The following PDZRN4 variants were observed in gnomAD, a reference collection of about 807,000 sequenced individuals.
PDZRN4 encodes the protein PDZ domain-containing RING finger protein 4.
Under a neutral mutation model 99.0 loss-of-function variants are expected in PDZRN4, and 70 were observed. That is an observed-to-expected ratio of 0.71 (90% CI 0.58 to 0.86). The LOEUF (loss-of-function observed/expected upper bound fraction) is 0.86. Ranked by LOEUF, PDZRN4 falls within the 40% of genes least tolerant of loss-of-function variation. The pLI, the probability that PDZRN4 is intolerant of heterozygous loss-of-function variation, is 0.00. For synonymous variants in PDZRN4, 551 were observed against 501.6 expected, an observed-to-expected ratio of 1.10 and a Z score of -1.32; for missense variants, 1,474 against 1,331.2, an observed-to-expected ratio of 1.11 and a Z score of -1.67.
intron 3 of PDZRN4, among the ~76,000 whole-genome samples, chr12:41,491,485 G>A (rs749826637): frequency 1.3e-5 from 2 of 152,070 alleles, no homozygotes; most frequent in African/African-American, 4.8e-5. Flanking sequence ...TCATGCCACT[G>A]CACTCCAGCC....
intron 3 of PDZRN4, among the ~76,000 whole-genome samples, chr12:41,464,611 A>T (rs2120545462): frequency 6.6e-6 from 1 of 152,308 alleles, no homozygotes; most frequent in South Asian, 2.1e-4. Flanking sequence ...GGGTTTACAT[A>T]TGAGAATTTG....
chr12:41,364,000 T>C (rs1476683872), intron 3 of PDZRN4, among the ~76,000 whole-genome samples: 2 of 152,068 alleles, frequency 1.3e-5, no homozygotes, highest in African/African-American at 2.4e-5. Context: ...ATTACGGAAG[T>C]AGATATTGTA....
intron 3 of PDZRN4, among the ~76,000 whole-genome samples, chr12:41,201,853 T>C (rs1018552348): frequency 2.0e-5 from 3 of 152,164 alleles, no homozygotes; most frequent in African/African-American, 7.2e-5. Flanking sequence ...AGCCTATAAA[T>C]CAAGAAAGAA....
intron 3 of PDZRN4, among the ~76,000 whole-genome samples, chr12:41,236,094 G>C (rs1163652820): frequency 6.6e-6 from 1 of 152,104 alleles, no homozygotes; most frequent in Non-Finnish European, 1.5e-5. Flanking sequence ...AGACATTGAA[G>C]AGTGATTGAA....
intron 3 of PDZRN4, among the ~76,000 whole-genome samples, chr12:41,484,789 C>T (rs1937743236): frequency 6.6e-6 from 1 of 152,106 alleles, no homozygotes; most frequent in Admixed American, 6.6e-5. Flanking sequence ...GATGAAGCTT[C>T]TTGTCCTAAT....
At chr12:41,390,865 G>A (rs780988075) in intron 3 of PDZRN4, among the ~76,000 whole-genome samples, 8 of 152,122 alleles carry the variant, frequency 5.3e-5, no homozygotes, top group Non-Finnish European at 1.0e-4. Context: ...AAGATACTAT[G>A]AATAGTTTTA....
intron 3 of PDZRN4, among the ~76,000 whole-genome samples, chr12:41,394,784 A>C (rs1224915678): frequency 6.6e-6 from 1 of 151,940 alleles, no homozygotes; most frequent in East Asian, 1.9e-4. Flanking sequence ...TAAATGAGAG[A>C]GAGAGAGAGA....
chr12:41,310,395 A>G (rs922197115), intron 3 of PDZRN4, among the ~76,000 whole-genome samples: 2 of 152,182 alleles, frequency 1.3e-5, no homozygotes, highest in African/African-American at 4.8e-5. Context: ...TCTAAAGATC[A>G]TATCTCACTC....
At chr12:41,356,628 A>G (rs974949223) in intron 3 of PDZRN4, among the ~76,000 whole-genome samples, 33 of 151,978 alleles carry the variant, frequency 2.2e-4, no homozygotes, top group African/African-American at 7.5e-4. Flanking sequence ...AAAAGAGATG[A>G]AAGAGCAATG....
rs1952868346 is a variant in PDZRN4, at chr12:41,461,035, G to C, written c.844-45421G>C. Among the ~76,000 whole-genome samples, 5 of 152,110 alleles carry C rather than the reference G, an allele frequency of 3.3e-5. No individual in the cohort carries two copies. The South Asian group carries it at 1.0e-3, about 31-fold the overall frequency. On this transcript the variant is annotated intron_variant, in intron 3 of 9. Transcript: ENST00000402685. ...CCTCTGCACTGAGTGATGTTCCCTA[G>C]AGTTTCCCTGTGTAAAAAGTGCAGC... is the stretch of plus-strand genomic sequence containing the variant.
At chr12:41,500,519 G>T (rs1938091041) in intron 3 of PDZRN4, among the ~76,000 whole-genome samples, 2 of 152,028 alleles carry the variant, frequency 1.3e-5, no homozygotes. Context: ...ATGTACTTAG[G>T]TTCTGAAATT....
At chr12:41,404,248 C>G (rs1426701441) in intron 3 of PDZRN4, among the ~76,000 whole-genome samples, 1 of 152,112 alleles carries the variant, frequency 6.6e-6, no homozygotes, top group East Asian at 1.9e-4. Context: ...GGAAGACCAA[C>G]TGTAAACATG....
chr12:41,421,229 A>C (rs1041195100), intron 3 of PDZRN4, among the ~76,000 whole-genome samples: 14 of 151,962 alleles, frequency 9.2e-5, no homozygotes, highest in Non-Finnish European at 1.9e-4. Context: ...TTGAGACAGA[A>C]TCTTGCTTTG....
At chr12:41,270,333 T>C (rs996824152) in intron 3 of PDZRN4, among the ~76,000 whole-genome samples, 6 of 150,826 alleles carry the variant, frequency 4.0e-5, no homozygotes, top group African/African-American at 9.7e-5. Context: ...TGTCTGTGTG[T>C]GTGTGTGTGT....
chr12:41,260,088 T>G (rs1221254893), intron 3 of PDZRN4, among the ~76,000 whole-genome samples: 1 of 152,210 alleles, frequency 6.6e-6, no homozygotes, highest in African/African-American at 2.4e-5. Flanking sequence ...CTAATGCATT[T>G]TCTATCAAAA....
At chr12:41,273,033 T>C (rs953677116) in intron 3 of PDZRN4, among the ~76,000 whole-genome samples, 3 of 152,046 alleles carry the variant, frequency 2.0e-5, no homozygotes, top group African/African-American at 7.2e-5. Context: ...CATTTCCTTG[T>C]TGTTTTGCTT....
chr12:41,343,821 A>G (rs1267067398), intron 3 of PDZRN4, among the ~76,000 whole-genome samples: 2 of 152,002 alleles, frequency 1.3e-5, no homozygotes, highest in African/African-American at 4.8e-5. Flanking sequence ...CAACATATAT[A>G]TATATGAAAA....
chr12:41,257,164 C>G (rs1005412641), intron 3 of PDZRN4, among the ~76,000 whole-genome samples: 3 of 152,122 alleles, frequency 2.0e-5, no homozygotes, highest in Non-Finnish European at 4.4e-5. Flanking sequence ...CCTGAAAACC[C>G]CTGAATGAAT....
chr12:41,327,917 T>A lies in PDZRN4; in HGVS notation c.843+133729T>A, dbSNP rs756548417. Among the ~76,000 whole-genome samples the A allele has an allele frequency of 3.9e-4, 59 of 152,298 alleles. 1 individual carries two copies. The highest frequency in any genetic ancestry group is 6.8e-3 in the Middle Eastern group (2 of 294). ...CTACACATACTTATGCATTCAAATA[T>A]ATTTGTTTTAGTCTTACTGAAGCAA... On this transcript the variant is annotated intron_variant, in intron 3 of 9. Transcript: ENST00000402685.
Sources: allele counts gnomAD v4.1 joint callset (sites outside exome capture counted in the v4.1 genomes callset), GRCh38; gene constraint gnomAD v4.1.1; transcripts MANE v1.5; gene names NCBI Gene and HGNC (gene_info 2026-07-23, HGNC 2026-07-21).